ADD2: variants seen among roughly 807,000 people sequenced by gnomAD.
ADD2 encodes beta-adducin.
In ADD2, 23 loss-of-function variants were observed where a neutral mutation model predicts 83.0. The ratio of observed to expected loss-of-function variants is 0.28; its 90% CI spans 0.20 to 0.39. ADD2 has a LOEUF of 0.39. ADD2 is among the 10% of genes least tolerant of loss of function. The pLI, the probability that ADD2 is intolerant of heterozygous loss-of-function variation, is 1.00. For missense variants in ADD2, 758 were observed against 944.9 expected (o/e 0.80, Z 2.59); for synonymous variants, 375 against 375.4 (o/e 1.00, Z 0.01).
At chr2:70,748,389 G>T (rs1381885542) in intron 1 of ADD2, among the ~76,000 whole-genome samples, 1 of 151,974 alleles carries the variant, frequency 6.6e-6, no homozygotes, top group East Asian at 1.9e-4. Context: ...GAGTTATGCT[G>T]CAGTAACTAG....
chr2:70,763,567 G>C (rs1675227162), intron 1 of ADD2, among the ~76,000 whole-genome samples: 1 of 151,876 alleles, frequency 6.6e-6, no homozygotes. Context: ...ATAAATACCA[G>C]TTCTAAACAC....
intron 1 of ADD2, among the ~76,000 whole-genome samples, chr2:70,716,907 A>G (rs1553376443): frequency 6.6e-6 from 1 of 152,106 alleles, no homozygotes; most frequent in African/African-American, 2.4e-5. Flanking sequence ...ACAGATTGCA[A>G]CTCTTACATT....
In ADD2 at chr2:70,660,137, A is replaced by G. The variant is rs1207732276; in HGVS notation, c.*3288T>C. ...TGGACCACATGTCTGTTTCTGTAGC[A>G]TTTGGTGCATGTCCTCAAGCCTGGA... is the stretch of plus-strand genomic sequence containing the variant. On this transcript the variant is annotated 3_prime_UTR_variant, in exon 16 of 16. Transcript: ENST00000264436. The G allele has an allele frequency of 6.6e-6, 1 of 152,188 alleles. No homozygotes were observed. The highest frequency in any genetic ancestry group is 6.5e-5 in the Admixed American group (1 of 15,284). 9.4% of individuals were successfully genotyped at this position (152,188 alleles called of 1,614,324 possible). A position where few individuals can be genotyped will look rare whatever the true frequency, so the allele number is the denominator to read the frequency against.
rs367692879 is a variant in ADD2 at position 70,706,448 on chromosome 2, G to C, written c.-34-6C>G. On this transcript the variant is annotated splice_polypyrimidine_tract_variant and splice_region_variant and intron_variant, in intron 2 of 15. Coordinates refer to ENST00000264436, the MANE Select transcript of ADD2 (RefSeq NM_001617.4). The surrounding 1 kb of genome is among the most constrained non-coding windows in gnomAD (Gnocchi z 5.0). The stretch of plus-strand genomic sequence containing the variant: ...TGCAATTCGCTCCTGGAACTCTACA[G>C]AGAAGGGGAGAGGGTATGCGGTCAG... The C allele has an allele frequency of 3.2e-6, 5 of 1,573,440 alleles. No homozygotes were observed. The African/African-American group carries it at 6.7e-5, about 21-fold the overall frequency.
intron 1 of ADD2, among the ~76,000 whole-genome samples, chr2:70,740,630 ATTT>A (rs34817483): frequency 1.3e-5 from 2 of 151,268 alleles, no homozygotes; most frequent in Admixed American, 6.6e-5. Flanking sequence ...TTTTGTGGGG[ATTT>A]TTTTGTTTGT....
In ADD2 at chr2:70,706,326, T is replaced by C; in HGVS notation, c.83A>G (p.Asp28Gly). Residue 28 changes from aspartate to glycine, a missense_variant, in exon 3 of 16, where the codon GAC becomes GGC. Physicochemically the swap from Asp to Gly is moderately conservative, Grantham distance 94 (BLOSUM62 -1). Coordinates refer to ENST00000264436, the MANE Select transcript of ADD2 (RefSeq NM_001617.4). This position sits in a 1 kb window ranked among gnomAD's most constrained non-coding sequence, Gnocchi z 5.0. ...GTTGCGAAGGCGCATGTACTCGGGG[T>C]CGTCCTCTGAGAAGCGGTCAAAGTA... ...QPYFDRFSEDDPEYMRLRNRA... is the reference protein window; with the variant it reads ...QPYFDRFSEDGPEYMRLRNRA... 6.2e-7 allele frequency: 1 copy of C among 1,613,858 alleles called. No homozygotes were observed.
At chr2:70,695,133 C>T (rs1228502752) in intron 6 of ADD2, among the ~76,000 whole-genome samples, 2 of 152,140 alleles carry the variant, frequency 1.3e-5, no homozygotes, top group Admixed American at 6.5e-5. Context: ...GCAGAAGCCC[C>T]CAAGGTAGTG....
At chr2:70,669,794 C>T (rs1669826469) in intron 15 of ADD2, among the ~76,000 whole-genome samples, 1 of 152,228 alleles carries the variant, frequency 6.6e-6, no homozygotes, top group East Asian at 1.9e-4. Flanking sequence ...TAAAGTCCAA[C>T]AACCCTGATG....
At chr2:70,745,302 A>T (rs1342578656) in intron 1 of ADD2, among the ~76,000 whole-genome samples, 1 of 152,016 alleles carries the variant, frequency 6.6e-6, no homozygotes, top group Non-Finnish European at 1.5e-5. Context: ...AAAAAAAAAG[A>T]AGATTTCAAG....
In ADD2 at chr2:70,724,523, C is replaced by T. The variant is rs151323799; in HGVS notation, c.-153-11339G>A. Among the ~76,000 whole-genome samples the T allele has an allele frequency of 3.8e-3, 573 of 152,284 alleles. 2 individuals are homozygous for T. Among genetic ancestry groups the T allele is most frequent in the East Asian group, 0.023 (119 of 5,168 alleles). On this transcript the variant is annotated intron_variant, in intron 1 of 15. Transcript: ENST00000264436. Reference sequence around the variant, plus strand: ...ACACACACTATGCACGTGGGTTTCCCGGAGCTCAGGCCAGGTTGCATGGCT... The same window carrying T: ...ACACACACTATGCACGTGGGTTTCCTGGAGCTCAGGCCAGGTTGCATGGCT...
At chr2:70,686,972 T>C (rs948659917) in intron 9 of ADD2, among the ~76,000 whole-genome samples, 1 of 152,230 alleles carries the variant, frequency 6.6e-6, no homozygotes, top group Non-Finnish European at 1.5e-5. Context: ...CCTCTTCCTC[T>C]GGGTGCTGCT....
intron 1 of ADD2, among the ~76,000 whole-genome samples, chr2:70,740,690 AT>A (rs1192879910): frequency 1.5e-4 from 23 of 151,232 alleles, no homozygotes; most frequent in African/African-American, 5.1e-4. Context: ...GAAATTTTTT[AT>A]TTTTATTTTT....
chr2:70,700,556 T>C (rs1553373390), intron 4 of ADD2, among the ~76,000 whole-genome samples: 1 of 151,792 alleles, frequency 6.6e-6, no homozygotes, highest in African/African-American at 2.4e-5. Flanking sequence ...AATAACAAAA[T>C]AGAAAAGTTA....
intron 1 of ADD2, among the ~76,000 whole-genome samples, chr2:70,714,698 C>A (rs557652337): frequency 1.2e-4 from 19 of 152,346 alleles, no homozygotes; most frequent in African/African-American, 4.3e-4. Context: ...CCAATGGCCT[C>A]CCTTCCAGGG....
Position 70,687,891 on chromosome 2 carries a change from G to C in ADD2, c.948+133C>G, listed in dbSNP as rs1281465575. ...AAGGATAAGATGGTGCCAAGGCAGA[G>C]AAATAGGGCAAGGCTTTTAGATGGC... On this transcript the variant is annotated intron_variant, in intron 9 of 15. Transcript: ENST00000264436. 9.3e-6 allele frequency: 6 copies of C among 648,432 alleles called. No individual in the cohort carries two copies. In the African/African-American group the frequency reaches 1.1e-4, roughly 12 times the overall value. 40.2% of individuals were successfully genotyped at this position (648,432 alleles called of 1,614,324 possible).
chr2:70,690,839 C>G lies in ADD2; in HGVS notation c.796G>C (p.Glu266Gln). 6.2e-7 allele frequency: 1 copy of G among 1,614,184 alleles called. No homozygotes were observed. Residue 266 changes from glutamate (E) to glutamine (Q), a missense_variant, in exon 8 of 16, where the codon GAG becomes CAG. This residue lies in a region of ADD2 where 394 missense variants were observed against 509.3 expected (regional missense o/e 0.77). Coordinates refer to ENST00000264436, the MANE Select transcript of ADD2 (RefSeq NM_001617.4). ...MAYYDFNGEM[E>Q]QEADRINLQK... The stretch of plus-strand genomic sequence containing the variant: ...AGGTTGATCCGATCGGCTTCCTGCT[C>G]CATTTCCCCATTGAAGTCATAATAG...
chr2:70,671,954 CAGG>C (rs1669913096), intron 15 of ADD2, among the ~76,000 whole-genome samples: 1 of 152,130 alleles, frequency 6.6e-6, no homozygotes, highest in Non-Finnish European at 1.5e-5. Flanking sequence ...GGAGTGATTC[CAGG>C]AGCTCAGTAA....
intron 1 of ADD2, among the ~76,000 whole-genome samples, chr2:70,715,317 T>C (rs1283492813): frequency 6.6e-6 from 1 of 152,208 alleles, no homozygotes; most frequent in Non-Finnish European, 1.5e-5. Flanking sequence ...CCTCTGAGCC[T>C]GCTGAAGCTG....
intron 9 of ADD2, among the ~76,000 whole-genome samples, chr2:70,684,305 T>C (rs1190410698): frequency 6.6e-6 from 1 of 152,250 alleles, no homozygotes; most frequent in Admixed American, 6.5e-5. Context: ...TGGAGGGCAG[T>C]GGCACAATCT....
Sources: allele counts gnomAD v4.1 joint callset (sites outside exome capture counted in the v4.1 genomes callset), GRCh38; gene constraint gnomAD v4.1.1; regional missense constraint gnomAD v4.1.1; non-coding constraint Gnocchi (gnomAD v3.1); transcripts MANE v1.5; gene names NCBI Gene and HGNC (gene_info 2026-07-23, HGNC 2026-07-21).